Variants in KIF5C observed in about 807,000 individuals in gnomAD.
KIF5C encodes kinesin family member 5C, also known as kinesin heavy chain isoform 5C.
A neutral mutation model predicts 125.2 loss-of-function variants in KIF5C; 18 were observed. That is an observed-to-expected ratio of 0.14 (90% CI 0.10 to 0.21). The LOEUF (loss-of-function observed/expected upper bound fraction) is 0.21, where lower values mean the gene tolerates loss of function less well. Ranked by LOEUF, KIF5C falls within the 10% of genes least tolerant of loss-of-function variation. KIF5C has a pLI of 1.00. For missense variants in KIF5C, 780 were observed against 1,183.8 expected (o/e 0.66, Z 5.01); for synonymous variants, 405 against 434.0 (o/e 0.93, Z 0.83).
At chr2:148,998,244 C>G in intron 18 of KIF5C, 156 bp from the exon 19 acceptor site, 10 of 1,248,794 alleles carry the variant, frequency 8.0e-6, no homozygotes, top group South Asian at 1.5e-5. Context: ...AAAGCAAGGC[C>G]GGGTCCTGGG....
At chr2:148,981,219 G>T in intron 13 of KIF5C, 136 bp from the exon 14 acceptor site, 1 of 1,281,998 alleles carries the variant, frequency 7.8e-7, no homozygotes. Flanking sequence ...CCATACAGTG[G>T]GGTTTCCCAT....
chr2:148,936,373 T>C (rs958487309), intron 3 of KIF5C, among the ~76,000 whole-genome samples: 2 of 152,234 alleles, frequency 1.3e-5, no homozygotes, highest in Admixed American at 1.3e-4. Context: ...TGTGTGTTTG[T>C]TCACTGATGG....
In KIF5C at chr2:149,000,335, T is replaced by C. The variant is rs1558941385; in HGVS notation, c.2211-88T>C. On this transcript the variant is annotated intron_variant, in intron 19 of 25. Transcript: ENST00000435030. ...TACTGCCTTTATTGTACAGAGCTAATAGGGTTGGAACAGAACCACGGTTTT... is the reference window on the plus strand; with the variant it reads ...TACTGCCTTTATTGTACAGAGCTAACAGGGTTGGAACAGAACCACGGTTTT... 2.0e-6 allele frequency: 3 copies of C among 1,476,018 alleles called. No homozygotes were observed. In the Admixed American group the frequency reaches 6.1e-5, roughly 30 times the overall value. The allele number at this position is 1,476,018 out of a possible 1,614,324, so 91.4% of individuals were successfully genotyped here.
intron 21 of KIF5C, among the ~76,000 whole-genome samples, chr2:149,002,716 A>G (rs112873414): frequency 6.6e-6 from 1 of 152,184 alleles, no homozygotes; most frequent in African/African-American, 2.4e-5. Context: ...ACACGCACGC[A>G]GGCGCATTCA....
At chr2:149,014,512 G>A (rs888240828) in intron 25 of KIF5C, among the ~76,000 whole-genome samples, 4 of 152,206 alleles carry the variant, frequency 2.6e-5, no homozygotes, top group Admixed American at 2.6e-4. Context: ...TGTGGCTGAG[G>A]GGACTGGCAT....
intron 14 of KIF5C, 91 bp from the exon 15 acceptor site, chr2:148,983,529 C>T: frequency 7.2e-7 from 1 of 1,391,016 alleles, no homozygotes; most frequent in Non-Finnish European, 9.4e-7. Context: ...AAAAGAAATC[C>T]ATTCTACATG....
intron 1 of KIF5C, among the ~76,000 whole-genome samples, chr2:148,882,505 C>T (rs1681394773): frequency 6.6e-6 from 1 of 152,110 alleles, no homozygotes; most frequent in South Asian, 2.1e-4. Context: ...ATACTGTGGG[C>T]CTGCCTACTC....
At position 148,950,234 on chromosome 2, in the gene KIF5C, T is replaced by C. The variant is rs141074302; in HGVS notation, c.820-80T>C. On this transcript the variant is annotated intron_variant, in intron 9 of 25. Transcript: ENST00000435030. ...TTTTACTCGGTTTCTAAGCTCAGTG[T>C]CTTCATCCCTGACTTGCTTGCCTCT... The C allele has an allele frequency of 1.3e-4, 206 of 1,548,226 alleles. 1 individual carries two copies. The East Asian group carries it at 4.6e-3, about 35-fold the overall frequency.
At chr2:149,003,899 G>A (rs1486446081) in intron 21 of KIF5C, among the ~76,000 whole-genome samples, 1 of 152,200 alleles carries the variant, frequency 6.6e-6, no homozygotes, top group Non-Finnish European at 1.5e-5. Flanking sequence ...TGTGATTACG[G>A]TTCAATCAGT....
At chr2:148,991,276 G>A in intron 16 of KIF5C, 78 bp downstream of exon 16, 1 of 1,516,280 alleles carries the variant, frequency 6.6e-7, no homozygotes, top group Non-Finnish European at 8.8e-7. Context: ...TGGTGCTGAT[G>A]GTGCACCTTA....
intron 1 of KIF5C, among the ~76,000 whole-genome samples, chr2:148,887,227 T>C (rs1243740070): frequency 6.6e-6 from 1 of 152,238 alleles, no homozygotes; most frequent in Admixed American, 6.5e-5. Context: ...ATTAATAAAA[T>C]GAATTTCACC....
At chr2:148,888,082 C>A (rs1249836176) in intron 1 of KIF5C, among the ~76,000 whole-genome samples, 2 of 152,194 alleles carry the variant, frequency 1.3e-5, no homozygotes, top group Non-Finnish European at 2.9e-5. Flanking sequence ...ACATTGAGAA[C>A]CCCCAGAGGC....
chr2:148,939,512 C>A (rs1386568962), intron 4 of KIF5C, among the ~76,000 whole-genome samples: 2 of 152,080 alleles, frequency 1.3e-5, no homozygotes, highest in Non-Finnish European at 2.9e-5. Flanking sequence ...GATGTTAAAC[C>A]AATTACTGCC....
intron 21 of KIF5C, among the ~76,000 whole-genome samples, chr2:149,002,577 G>A (rs1011463625): frequency 2.6e-5 from 4 of 152,024 alleles, no homozygotes; most frequent in Non-Finnish European, 4.4e-5. Flanking sequence ...TTTCTCACTC[G>A]CACATTCACA....
At chr2:149,000,196 C>T (rs1681809303) in intron 19 of KIF5C, 2 of 432,132 alleles carry the variant, frequency 4.6e-6, no homozygotes, top group East Asian at 6.8e-5. Flanking sequence ...ACTATAAATA[C>T]ATCCTCAAAG....
chr2:149,022,306 G>A (rs1364554340), intron 25 of KIF5C, among the ~76,000 whole-genome samples: 1 of 152,156 alleles, frequency 6.6e-6, no homozygotes, highest in Non-Finnish European at 1.5e-5. Flanking sequence ...AGAATGTTGA[G>A]ACTGTCAGGA....
chr2:148,938,636 G>A (rs1322594985), intron 4 of KIF5C, among the ~76,000 whole-genome samples: 1 of 152,154 alleles, frequency 6.6e-6, no homozygotes, highest in African/African-American at 2.4e-5. Context: ...TGTCCAGGAT[G>A]CACATGCTGT....
At chr2:148,900,353 A>G (rs1207548726) in intron 1 of KIF5C, among the ~76,000 whole-genome samples, 1 of 152,196 alleles carries the variant, frequency 6.6e-6, no homozygotes, top group African/African-American at 2.4e-5. Flanking sequence ...CTAGTCATGT[A>G]GGGAATGCCT....
At chr2:148,943,942 T>C (rs1367474715) in intron 7 of KIF5C, among the ~76,000 whole-genome samples, 1 of 152,230 alleles carries the variant, frequency 6.6e-6, no homozygotes, top group Non-Finnish European at 1.5e-5. Context: ...TTTCTCTTGC[T>C]TAAAACATGC....
Sources: allele counts gnomAD v4.1 joint callset (sites outside exome capture counted in the v4.1 genomes callset), GRCh38; gene constraint gnomAD v4.1.1; transcripts MANE v1.5; gene names NCBI Gene and HGNC (gene_info 2026-07-23, HGNC 2026-07-21).